The following OXR1 variants were observed in gnomAD, a reference collection of about 807,000 sequenced individuals.
OXR1 encodes oxidation resistance 1, also known as oxidation resistance protein 1.
Under a neutral mutation model 104.6 loss-of-function variants are expected in OXR1, and 41 were observed. That is an observed-to-expected ratio of 0.39 (90% CI 0.31 to 0.51). The LOEUF (loss-of-function observed/expected upper bound fraction) is 0.51. Among genes scored for constraint, OXR1 ranks in the 20% least tolerant of loss-of-function variants. The probability of loss-of-function intolerance (pLI) is 0.77; values close to 1 mark genes in which losing one functional copy is unlikely to be tolerated. For synonymous variants in OXR1, 348 were observed against 348.4 expected, an observed-to-expected ratio of 1.00 and a Z score of 0.01; for missense variants, 955 against 1,031.9, an observed-to-expected ratio of 0.93 and a Z score of 1.02.
intron 3 of OXR1, among the ~76,000 whole-genome samples, chr8:106,550,405 G>A (rs570591068): frequency 1.5e-4 from 23 of 152,300 alleles, no homozygotes; most frequent in African/African-American, 5.3e-4. Context: ...AATCATGGTG[G>A]AAGGGGGTAA....
intron 1 of OXR1, among the ~76,000 whole-genome samples, chr8:106,305,025 A>G (rs1267915331): frequency 6.6e-6 from 1 of 152,154 alleles, no homozygotes; most frequent in Non-Finnish European, 1.5e-5. Flanking sequence ...TTAAAGTAGT[A>G]TAATATTTTA....
At chr8:106,619,204 G>A (rs761432023) in intron 3 of OXR1, among the ~76,000 whole-genome samples, 1 of 152,148 alleles carries the variant, frequency 6.6e-6, no homozygotes, top group African/African-American at 2.4e-5. Flanking sequence ...ATTTAGACAT[G>A]AGGCTTAATG....
chr8:106,382,178 T>C (rs1817175925), intron 2 of OXR1, among the ~76,000 whole-genome samples: 2 of 152,210 alleles, frequency 1.3e-5, no homozygotes, highest in South Asian at 4.1e-4. Flanking sequence ...CAAGTCACAT[T>C]CTTTCTGAAT....
intron 3 of OXR1, among the ~76,000 whole-genome samples, chr8:106,584,164 A>G (rs895184239): frequency 6.6e-6 from 1 of 152,206 alleles, no homozygotes; most frequent in Middle Eastern, 3.4e-3. Context: ...TGCATAAATG[A>G]AAAACCCAGT....
At chr8:106,589,303 T>C (rs1818893235) in intron 3 of OXR1, among the ~76,000 whole-genome samples, 1 of 151,158 alleles carries the variant, frequency 6.6e-6, no homozygotes, top group Admixed American at 6.6e-5. Flanking sequence ...CTGTTGTCTC[T>C]AGGCAGCTTG....
chr8:106,702,240 G>A (rs368900086), intron 7 of OXR1, among the ~76,000 whole-genome samples: 8 of 152,202 alleles, frequency 5.3e-5, no homozygotes, highest in South Asian at 2.1e-4. Flanking sequence ...GATTACAGGC[G>A]TAAGCCACCG....
At chr8:106,579,307 T>A (rs1440428067) in intron 3 of OXR1, among the ~76,000 whole-genome samples, 1 of 152,178 alleles carries the variant, frequency 6.6e-6, no homozygotes, top group Non-Finnish European at 1.5e-5. Context: ...AAACTCCTGA[T>A]CCCTGATTTG....
intron 3 of OXR1, among the ~76,000 whole-genome samples, chr8:106,662,225 A>T (rs779053668): frequency 6.6e-6 from 1 of 152,226 alleles, no homozygotes; most frequent in Non-Finnish European, 1.5e-5. Flanking sequence ...GCTCTGCCTC[A>T]TAGCATATAT....
At chr8:106,555,868 G>A (rs1490436532) in intron 3 of OXR1, among the ~76,000 whole-genome samples, 1 of 149,714 alleles carries the variant, frequency 6.7e-6, no homozygotes, top group Non-Finnish European at 1.5e-5. Flanking sequence ...ATGTGTATGT[G>A]TGTGTGTATA....
At chr8:106,494,507 A>G (rs1395043308) in intron 2 of OXR1, among the ~76,000 whole-genome samples, 1 of 152,180 alleles carries the variant, frequency 6.6e-6, no homozygotes, top group Non-Finnish European at 1.5e-5. Flanking sequence ...AGGTGTCTGT[A>G]AGTCCTAACC....
intron 2 of OXR1, among the ~76,000 whole-genome samples, chr8:106,485,012 C>T (rs184211787): frequency 3.3e-5 from 5 of 150,908 alleles, no homozygotes; most frequent in Admixed American, 2.7e-4. Context: ...AAAGAGCTCT[C>T]GAGCCATGAA....
At chr8:106,415,918 T>A (rs911837876) in intron 2 of OXR1, among the ~76,000 whole-genome samples, 1 of 152,072 alleles carries the variant, frequency 6.6e-6, no homozygotes, top group African/African-American at 2.4e-5. Context: ...TTCCATGGAG[T>A]TTAAGTATTC....
intron 3 of OXR1, among the ~76,000 whole-genome samples, chr8:106,532,607 G>T (rs1424725906): frequency 2.0e-5 from 3 of 152,116 alleles, no homozygotes; most frequent in Admixed American, 2.0e-4. Flanking sequence ...AAACTAAGAG[G>T]CAGCAGGACA....
rs1833023314 is a variant in OXR1, at chr8:106,723,490, T to G, written c.1956+9505T>G. Among the ~76,000 whole-genome samples, 3 of 141,302 alleles carry G rather than the reference T, an allele frequency of 2.1e-5. No individual in the cohort carries two copies. In the South Asian group the frequency reaches 6.8e-4, roughly 32 times the overall value. The allele number at this position is 141,302 out of a possible 152,430, so 92.7% of individuals were successfully genotyped here. A position where few individuals can be genotyped will look rare whatever the true frequency, so the allele number is the denominator to read the frequency against. On this transcript the variant is annotated intron_variant, in intron 11 of 16. Transcript: ENST00000517566. Reference sequence around the variant, plus strand: ...TCCAGCCTGGGCGACAGAGCAAGCCTCTGTCTCAAAAAAAAAAAAAAAAAT... The same window carrying G: ...TCCAGCCTGGGCGACAGAGCAAGCCGCTGTCTCAAAAAAAAAAAAAAAAAT...
chr8:106,727,728 T>A (rs1833488825), intron 11 of OXR1, among the ~76,000 whole-genome samples: 1 of 152,190 alleles, frequency 6.6e-6, no homozygotes, highest in African/African-American at 2.4e-5. Flanking sequence ...CAAGTTCTGT[T>A]CATTCTTATG....
intron 3 of OXR1, among the ~76,000 whole-genome samples, chr8:106,546,571 C>T (rs1815374820): frequency 6.6e-6 from 1 of 152,048 alleles, no homozygotes; most frequent in African/African-American, 2.4e-5. Flanking sequence ...GAAAAGCGAG[C>T]TGGAAGGAAA....
intron 2 of OXR1, among the ~76,000 whole-genome samples, chr8:106,372,251 G>GC (rs1339313867): frequency 1.3e-5 from 2 of 152,120 alleles, no homozygotes; most frequent in African/African-American, 4.8e-5. Flanking sequence ...CCCTTGGCTG[G>GC]GGGGAGGGGG....
Position 106,706,399 on chromosome 8 carries a change from CA to C in OXR1, c.879del (p.Gly294GlufsTer10). 1 of 1,572,968 alleles carries C rather than the reference CA, an allele frequency of 6.4e-7. No individual in the cohort carries two copies. The highest frequency in any genetic ancestry group is 8.6e-7 in the Non-Finnish European group (1 of 1,167,696). On this transcript the variant is annotated frameshift_variant, in exon 9 of 17. Transcript: ENST00000517566. LOFTEE classifies it high-confidence loss of function. ...AATGACAGAGATATAGATCAGCTATCAGGAAGGGACTTCTGCCATTCAAAGA... is the reference window on the plus strand; with the variant it reads ...AATGACAGAGATATAGATCAGCTATCGGAAGGGACTTCTGCCATTCAAAGA... ...ESLPIDIDQL[S>X]GRDFCHSKKM... is the part of the protein sequence containing the mutation.
At chr8:106,361,359 T>C (rs1033125172) in intron 2 of OXR1, among the ~76,000 whole-genome samples, 1 of 152,242 alleles carries the variant, frequency 6.6e-6, no homozygotes, top group Non-Finnish European at 1.5e-5. Flanking sequence ...TGGATATTTT[T>C]ATCAGCACTA....
Sources: gnomAD v4.1 joint callset for allele counts (sites outside exome capture counted in the v4.1 genomes callset) on GRCh38, gnomAD v4.1.1 for gene constraint, MANE v1.5 for transcripts, NCBI Gene and HGNC (gene_info 2026-07-23, HGNC 2026-07-21) for gene names.